DRD3: variants seen among roughly 807,000 people sequenced by gnomAD.
The protein encoded by DRD3 is dopamine receptor D3, also known as D(3) dopamine receptor.
In DRD3, 19 loss-of-function variants were observed where a neutral mutation model predicts 36.3. That is an observed-to-expected ratio of 0.52 (90% CI 0.36 to 0.77). The LOEUF is 0.77. DRD3 is among the 30% of genes least tolerant of loss of function. DRD3 has a pLI of 0.00. For synonymous variants in DRD3, 195 were observed against 203.7 expected, an observed-to-expected ratio of 0.96 and a Z score of 0.36; for missense variants, 465 against 505.3, an observed-to-expected ratio of 0.92 and a Z score of 0.77.
chr3:114,128,865 T>C lies in DRD3; in HGVS notation c.1054A>G (p.Asn352Asp). The C allele has an allele frequency of 4.3e-6, 7 of 1,612,914 alleles. No homozygotes were observed. The highest frequency in any genetic ancestry group is 5.9e-6 in the Non-Finnish European group (7 of 1,179,524). The change falls in exon 7 of 7, where the codon AAT (asparagine) becomes GAT (aspartate). Residue 352 changes from asparagine to aspartate, a missense_variant. By Grantham distance (23) the Asn-to-Asp change is conservative (BLOSUM62 1). Coordinates refer to ENST00000383673, the MANE Select transcript of DRD3 (RefSeq NM_000796.6). ...WLPFFLTHVL[N>D]THCQTCHVSP... ...ACGTGGCATGTCTGGCAGTGGGTAT[T>C]GAGAACATGGGTCAAGAAGAAGGGC...
chr3:114,155,543 A>C (rs1420820058), intron 3 of DRD3, among the ~76,000 whole-genome samples: 1 of 150,194 alleles, frequency 6.7e-6, no homozygotes, highest in Non-Finnish European at 1.5e-5. Context: ...GCTGGCCGCA[A>C]AATGGTGCTC....
chr3:114,190,421 T>C (rs1398807392), intron 1 of DRD3, among the ~76,000 whole-genome samples: 4 of 4,602 alleles, frequency 8.7e-4, no homozygotes, highest in Admixed American at 2.7e-3. Context: ...AATATATATA[T>C]ATATATATAT....
At chr3:114,191,743 G>A (rs952392243) in intron 1 of DRD3, among the ~76,000 whole-genome samples, 12 of 152,088 alleles carry the variant, frequency 7.9e-5, no homozygotes, top group African/African-American at 2.9e-4. Context: ...TTATATATGA[G>A]GACTTATCAA....
chr3:114,175,450 C>A (rs753010642), intron 1 of DRD3, among the ~76,000 whole-genome samples: 2 of 151,944 alleles, frequency 1.3e-5, no homozygotes, highest in Non-Finnish European at 2.9e-5. Flanking sequence ...ACATTCAGGA[C>A]GATATTCATG....
chr3:114,195,005 A>C (rs1576097040), intron 1 of DRD3, among the ~76,000 whole-genome samples: 3 of 152,188 alleles, frequency 2.0e-5, no homozygotes, highest in Admixed American at 6.5e-5. Flanking sequence ...TCCCCCAGGC[A>C]GGTATCTTCA....
At chr3:114,158,981 G>A (rs324032) in intron 3 of DRD3, among the ~76,000 whole-genome samples, 132,621 of 151,820 alleles carry the variant, frequency 0.87, 58,698 homozygotes, top group Non-Finnish European at 0.94. Context: ...TCCCAGGGGA[G>A]CCAGGCAAAT....
chr3:114,165,347 C>T (rs967248712), intron 2 of DRD3, among the ~76,000 whole-genome samples: 18 of 152,018 alleles, frequency 1.2e-4, no homozygotes, highest in African/African-American at 3.4e-4. Context: ...AGGAGAATCG[C>T]TTGAACCCGG....
intron 5 of DRD3, among the ~76,000 whole-genome samples, chr3:114,131,957 G>T (rs1030050650): frequency 6.6e-6 from 1 of 152,192 alleles, no homozygotes; most frequent in Non-Finnish European, 1.5e-5. Flanking sequence ...TACACTGTTG[G>T]TGGGAGTGTA....
chr3:114,176,060 T>A (rs1020695438), intron 1 of DRD3: 7 of 152,244 alleles, frequency 4.6e-5, no homozygotes, highest in African/African-American at 1.7e-4. Flanking sequence ...CAGGTCCCCA[T>A]CAGTTATGAC....
intron 4 of DRD3, among the ~76,000 whole-genome samples, chr3:114,145,198 C>T (rs990012052): frequency 6.6e-6 from 1 of 151,994 alleles, no homozygotes; most frequent in Admixed American, 6.6e-5. Context: ...GTGAGTTTCC[C>T]ACACTAGAAT....
intron 2 of DRD3, among the ~76,000 whole-genome samples, chr3:114,161,161 C>T (rs1316701673): frequency 6.6e-6 from 1 of 152,172 alleles, no homozygotes; most frequent in Non-Finnish European, 1.5e-5. Context: ...GGGGAGAAAC[C>T]TGCCAGGCTT....
intron 2 of DRD3, among the ~76,000 whole-genome samples, chr3:114,163,231 C>T (rs1290788902): frequency 6.6e-6 from 1 of 151,938 alleles, no homozygotes; most frequent in Non-Finnish European, 1.5e-5. Context: ...GGAGCTTACT[C>T]ATTAAAATGA....
chr3:114,147,400 A>T lies in DRD3; in HGVS notation c.526+15T>A. On this transcript the variant is annotated intron_variant, in intron 4 of 6. Transcript: ENST00000383673. ...TGAATCACATGGATGCTAGAAATGAAGCCATCACTGTTACCTGTGGTATTA... is the reference window on the plus strand; with the variant it reads ...TGAATCACATGGATGCTAGAAATGATGCCATCACTGTTACCTGTGGTATTA... 1 of 1,607,814 alleles carries T rather than the reference A, an allele frequency of 6.2e-7. No individual in the cohort carries two copies. Among genetic ancestry groups the T allele is most frequent in the Non-Finnish European group, 8.5e-7 (1 of 1,174,902 alleles).
chr3:114,153,184 T>C (rs2107855052), intron 3 of DRD3, among the ~76,000 whole-genome samples: 1 of 152,288 alleles, frequency 6.6e-6, no homozygotes, highest in East Asian at 1.9e-4. Context: ...TAAGATCCAA[T>C]TTTCTCATCT....
At chr3:114,159,120 C>G (rs1359342930) in intron 3 of DRD3, among the ~76,000 whole-genome samples, 2 of 152,144 alleles carry the variant, frequency 1.3e-5, no homozygotes, top group Non-Finnish European at 2.9e-5. Context: ...CAATGTTACT[C>G]AGGCAGAACA....
intron 1 of DRD3, among the ~76,000 whole-genome samples, chr3:114,194,590 G>A (rs1215938785): frequency 6.6e-6 from 1 of 152,234 alleles, no homozygotes; most frequent in Non-Finnish European, 1.5e-5. Context: ...CCTGAATCCT[G>A]AATCCATTAA....
At chr3:114,148,217 C>T (rs1179397426) in intron 3 of DRD3, among the ~76,000 whole-genome samples, 1 of 152,144 alleles carries the variant, frequency 6.6e-6, no homozygotes, top group Non-Finnish European at 1.5e-5. Flanking sequence ...CTGTCACACA[C>T]CCTTCACTCT....
chr3:114,185,164 T>G, intron 1 of DRD3, among the ~76,000 whole-genome samples: 1 of 152,204 alleles, frequency 6.6e-6, no homozygotes, highest in African/African-American at 2.4e-5. Context: ...TTAGAAACTT[T>G]TCTGCCATTA....
chr3:114,156,745 T>G (rs867452973), intron 3 of DRD3, among the ~76,000 whole-genome samples: 1,148 of 70,452 alleles, frequency 0.016, 26 homozygotes, highest in African/African-American at 0.055. Flanking sequence ...TTCTTTCTTT[T>G]TCTTTCTTTC....
Sources: gnomAD v4.1 joint callset for allele counts (sites outside exome capture counted in the v4.1 genomes callset) on GRCh38, gnomAD v4.1.1 for gene constraint, MANE v1.5 for transcripts, NCBI Gene and HGNC (gene_info 2026-07-23, HGNC 2026-07-21) for gene names.